The following NAALADL2 variants were observed in gnomAD, a reference collection of about 807,000 sequenced individuals.
NAALADL2 encodes the protein N-acetylated alpha-linked acidic dipeptidase like 2.
A neutral mutation model predicts 87.2 loss-of-function variants in NAALADL2; 76 were observed. The observed-to-expected ratio is 0.87, with a 90% CI of 0.72 to 1.05. NAALADL2 has a LOEUF of 1.05. Ranked by LOEUF, NAALADL2 falls within the 50% of genes least tolerant of loss-of-function variation. NAALADL2 has a pLI of 0.00. For synonymous variants in NAALADL2, 354 were observed against 331.0 expected, an observed-to-expected ratio of 1.07 and a Z score of -0.75; for missense variants, 1,089 against 945.8, an observed-to-expected ratio of 1.15 and a Z score of -1.99.
intron 1 of NAALADL2, among the ~76,000 whole-genome samples, chr3:174,968,651 T>A (rs2108595514): frequency 6.6e-6 from 1 of 152,216 alleles, no homozygotes; most frequent in East Asian, 1.9e-4. Flanking sequence ...AGCTAATTTT[T>A]GTATTTTTAT....
At chr3:174,852,181 T>C (rs777784611) in intron 3 of NAALADL2, among the ~76,000 whole-genome samples, 2 of 152,152 alleles carry the variant, frequency 1.3e-5, no homozygotes, top group Non-Finnish European at 2.9e-5. Context: ...ATGCCCACTT[T>C]CACTACTTTT....
At chr3:175,193,259 C>T (rs1580864004) in intron 2 of NAALADL2, among the ~76,000 whole-genome samples, 1 of 151,006 alleles carries the variant, frequency 6.6e-6, no homozygotes, top group Admixed American at 6.6e-5. Flanking sequence ...CCTTGGTTTT[C>T]TTATTGTAAA....
At chr3:175,127,976 A>G (rs142657618) in intron 2 of NAALADL2, among the ~76,000 whole-genome samples, 17 of 152,332 alleles carry the variant, frequency 1.1e-4, no homozygotes, top group Non-Finnish European at 1.8e-4. Flanking sequence ...TCAATTATGT[A>G]TACTTTTATG....
intron 1 of NAALADL2, among the ~76,000 whole-genome samples, chr3:174,516,301 A>T (rs1455138398): frequency 6.6e-6 from 1 of 152,068 alleles, no homozygotes; most frequent in African/African-American, 2.4e-5. Context: ...TCAGTTATGC[A>T]TCTCCTCATT....
intron 2 of NAALADL2, among the ~76,000 whole-genome samples, chr3:174,562,488 G>T (rs1298488009): frequency 1.3e-5 from 2 of 152,066 alleles, no homozygotes; most frequent in Admixed American, 6.6e-5. Flanking sequence ...AAATGACAAA[G>T]TGGTAGAGTA....
At chr3:174,881,575 TTA>T (rs1026379148) in intron 1 of NAALADL2, among the ~76,000 whole-genome samples, 38 of 152,208 alleles carry the variant, frequency 2.5e-4, no homozygotes, top group African/African-American at 8.2e-4. Context: ...TTTCAAGACT[TTA>T]TGTTTGTTGG....
chr3:175,242,860 A>C (rs1747189433), intron 3 of NAALADL2, among the ~76,000 whole-genome samples: 1 of 152,176 alleles, frequency 6.6e-6, no homozygotes, highest in South Asian at 2.1e-4. Context: ...ACTGCTATAA[A>C]AACTAACAAA....
chr3:175,465,738 C>T (rs985684658), intron 7 of NAALADL2, among the ~76,000 whole-genome samples: 4 of 152,016 alleles, frequency 2.6e-5, no homozygotes, highest in South Asian at 2.1e-4. Flanking sequence ...CCCAAAATAC[C>T]GGGATTACAG....
rs114788819 is a variant in NAALADL2, at chr3:174,756,460, T to C, written c.-9+18714T>C. ...ATAATTATATTTACTATGTACACTC[T>C]TTAGCAAAATCATTATTTTTATAAT... On this transcript the variant is annotated intron_variant, in intron 3 of 3. Transcript: ENST00000434257. Among the ~76,000 whole-genome samples the C allele has an allele frequency of 5.5e-3, 841 of 152,358 alleles. 9 individuals carry two copies. Among genetic ancestry groups the C allele is most frequent in the African/African-American group, 0.019 (810 of 41,586 alleles).
chr3:175,188,014 G>C lies in NAALADL2; in HGVS notation c.546-45917G>C, dbSNP rs76470486. Among the ~76,000 whole-genome samples, 1,165 of 152,248 alleles carry C rather than the reference G, an allele frequency of 7.7e-3. 15 individuals carry two copies. The highest frequency in any genetic ancestry group is 0.026 in the African/African-American group (1,079 of 41,548). ...AGTGATCTGAGTTCATGAATATGCT[G>C]TTAGCCGTTGTGGATTATTGCAACA... On this transcript the variant is annotated intron_variant, in intron 2 of 13. Transcript: ENST00000454872.
chr3:175,084,273 C>T (rs1718439806), intron 1 of NAALADL2, among the ~76,000 whole-genome samples: 1 of 152,096 alleles, frequency 6.6e-6, no homozygotes, highest in Non-Finnish European at 1.5e-5. Flanking sequence ...ACAGGCAGGT[C>T]TCAGCTGGCC....
At chr3:175,127,495 G>A (rs1208642641) in intron 2 of NAALADL2, among the ~76,000 whole-genome samples, 1 of 152,036 alleles carries the variant, frequency 6.6e-6, no homozygotes, top group Non-Finnish European at 1.5e-5. Flanking sequence ...AAATGCCAAG[G>A]GCAGACTTTT....
intron 4 of NAALADL2, among the ~76,000 whole-genome samples, chr3:175,284,304 T>C (rs1000570361): frequency 4.6e-5 from 7 of 151,776 alleles, no homozygotes; most frequent in East Asian, 1.9e-4. Flanking sequence ...CTTCTAGAAG[T>C]TGATACTGAC....
intron 2 of NAALADL2, among the ~76,000 whole-genome samples, chr3:175,180,965 G>A (rs1166334389): frequency 2.0e-5 from 3 of 152,018 alleles, no homozygotes; most frequent in African/African-American, 7.2e-5. Context: ...GAGCTCTAAA[G>A]TTTTGTTAAT....
chr3:174,520,813 C>T (rs922283770), intron 1 of NAALADL2, among the ~76,000 whole-genome samples: 1 of 152,058 alleles, frequency 6.6e-6, no homozygotes, highest in African/African-American at 2.4e-5. Context: ...ATGCCACCAA[C>T]AAAGGACTAA....
chr3:174,558,824 C>T (rs1240568318), intron 2 of NAALADL2, among the ~76,000 whole-genome samples: 3 of 152,084 alleles, frequency 2.0e-5, no homozygotes, highest in Admixed American at 6.6e-5. Flanking sequence ...AACATTTTGC[C>T]AACATGTACC....
intron 2 of NAALADL2, among the ~76,000 whole-genome samples, chr3:174,572,479 A>G (rs1041824833): frequency 2.6e-5 from 4 of 152,216 alleles, no homozygotes; most frequent in African/African-American, 9.6e-5. Context: ...ACTGTTAGAA[A>G]CAAGACGAAG....
intron 5 of NAALADL2, among the ~76,000 whole-genome samples, chr3:175,420,864 C>T (rs1418372746): frequency 6.6e-6 from 1 of 151,964 alleles, no homozygotes; most frequent in Non-Finnish European, 1.5e-5. Flanking sequence ...GTTAAATTAT[C>T]AAATATTACC....
intron 11 of NAALADL2, among the ~76,000 whole-genome samples, chr3:175,701,908 T>C (rs978127512): frequency 5.9e-5 from 9 of 152,196 alleles, no homozygotes; most frequent in African/African-American, 2.2e-4. Context: ...AATTGTATTA[T>C]GTGCCTCTGT....
Sources: allele counts gnomAD v4.1 joint callset (sites outside exome capture counted in the v4.1 genomes callset), GRCh38; gene constraint gnomAD v4.1.1; transcripts MANE v1.5; gene names NCBI Gene and HGNC (gene_info 2026-07-23, HGNC 2026-07-21).